CHD6: variants seen among roughly 807,000 people sequenced by gnomAD.
CHD6 encodes the protein ATP-dependent chromatin remodeler CHD6.
CHD6 carries 50 observed loss-of-function variants against 276.9 expected under a neutral mutation model. The ratio of observed to expected loss-of-function variants is 0.18; its 90% confidence interval spans 0.14 to 0.23. The LOEUF (loss-of-function observed/expected upper bound fraction) is 0.23, where lower values mean the gene tolerates loss of function less well. Among genes scored for constraint, CHD6 ranks in the 10% least tolerant of loss-of-function variants. The probability of loss-of-function intolerance (pLI) is 1.00; values close to 1 mark genes in which losing one functional copy is unlikely to be tolerated. For synonymous variants in CHD6, 1,173 were observed against 1,229.3 expected (o/e 0.95, Z 0.96); for missense variants, 2,564 against 3,365.8 (o/e 0.76, Z 5.89).
intron 17 of CHD6, among the ~76,000 whole-genome samples, chr20:41,467,271 T>C (rs2042941939): frequency 6.6e-6 from 1 of 151,980 alleles, no homozygotes; most frequent in South Asian, 2.1e-4. Flanking sequence ...CCATTCTTTA[T>C]TTTCCTAAGA....
chr20:41,411,174 G>A (rs563541842), intron 36 of CHD6, among the ~76,000 whole-genome samples: 8 of 151,578 alleles, frequency 5.3e-5, no homozygotes, highest in Non-Finnish European at 7.4e-5. Flanking sequence ...GATGAGCAAC[G>A]GCCACTGGTG....
At chr20:41,575,200 G>C (rs911895631) in intron 1 of CHD6, among the ~76,000 whole-genome samples, 2 of 152,182 alleles carry the variant, frequency 1.3e-5, no homozygotes, top group Non-Finnish European at 2.9e-5. Flanking sequence ...CCTATGCTCA[G>C]CCTGCTTCCA....
Position 41,403,525 on chromosome 20 carries a change from G to A in CHD6, c.*1068C>T, listed in dbSNP as rs145084031. 3.0e-3 allele frequency: 3,203 copies of A among 1,062,920 alleles called. 7 individuals carry two copies. Among genetic ancestry groups the A allele is most frequent in the Non-Finnish European group, 3.5e-3 (3,048 of 877,794 alleles). 65.8% of individuals were successfully genotyped at this position (1,062,920 alleles called of 1,614,324 possible). On this transcript the variant is annotated 3_prime_UTR_variant, in exon 37 of 37. Coordinates refer to ENST00000373233, the MANE Select transcript of CHD6 (RefSeq NM_032221.5). ...ATATAAACAGAATGGAGAAATTAAT[G>A]GAGAAGTAACTTTTCATAGCTGTAT...
At chr20:41,524,938 G>A (rs775012762) in intron 3 of CHD6, among the ~76,000 whole-genome samples, 6 of 152,202 alleles carry the variant, frequency 3.9e-5, no homozygotes, top group Non-Finnish European at 7.3e-5. Flanking sequence ...TCTGATGACA[G>A]TTGTTCTTTT....
At chr20:41,491,877 T>C in intron 10 of CHD6, 58 bp from the exon 11 acceptor site, 1 of 1,588,818 alleles carries the variant, frequency 6.3e-7, no homozygotes, top group Admixed American at 1.7e-5. Flanking sequence ...GAGCATAACA[T>C]GGATACTAAC....
At chr20:41,446,327 G>A (rs1366018280) in intron 24 of CHD6, among the ~76,000 whole-genome samples, 2 of 152,144 alleles carry the variant, frequency 1.3e-5, no homozygotes, top group African/African-American at 4.8e-5. Flanking sequence ...GCACCTCCTG[G>A]CAGTGGTCTA....
chr20:41,502,263 C>T (rs1377956893), intron 5 of CHD6, among the ~76,000 whole-genome samples: 1 of 151,998 alleles, frequency 6.6e-6, no homozygotes, highest in Admixed American at 6.6e-5. Flanking sequence ...AAAACAGGTG[C>T]AAGTAATTTT....
chr20:41,413,612 C>T (rs1569045991), intron 34 of CHD6, 97 bp from the exon 35 acceptor site: 1 of 1,038,230 alleles, frequency 9.6e-7, no homozygotes, highest in East Asian at 2.7e-5. Flanking sequence ...ATCACTCCAC[C>T]TATTTCCACC....
At chr20:41,497,747 C>A in intron 7 of CHD6, 1 of 525,676 alleles carries the variant, frequency 1.9e-6, no homozygotes, top group Non-Finnish European at 3.4e-6. Flanking sequence ...AGAACAGAGG[C>A]AGGGCAGCTG....
chr20:41,497,639 T>C (rs997736846), intron 7 of CHD6, 138 bp from the exon 8 acceptor site: 19 of 704,408 alleles, frequency 2.7e-5, no homozygotes, highest in Non-Finnish European at 4.6e-5. Flanking sequence ...AGATTGGGCT[T>C]AGAAAGACCT....
intron 15 of CHD6, 22 bp downstream of exon 15, chr20:41,484,330 C>T: frequency 1.2e-6 from 2 of 1,612,944 alleles, no homozygotes; most frequent in Non-Finnish European, 1.7e-6. Context: ...TCCTGAGTTA[C>T]TTCCTAGTGC....
At chr20:41,416,506 T>C in intron 33 of CHD6, 82 bp downstream of exon 33, 1 of 1,331,706 alleles carries the variant, frequency 7.5e-7, no homozygotes, top group Non-Finnish European at 1.0e-6. Context: ...AGTAAATACT[T>C]GCTGAATGAA....
At position 41,468,750 on chromosome 20, in the gene CHD6, C is replaced by G. The variant is rs1656050406; in HGVS notation, c.2664+4572G>C. Among the ~76,000 whole-genome samples, 4 of 152,136 alleles carry G rather than the reference C, an allele frequency of 2.6e-5. No individual in the cohort carries two copies. In the South Asian group the frequency reaches 6.2e-4, roughly 24 times the overall value. On this transcript the variant is annotated intron_variant, in intron 17 of 36. Transcript: ENST00000373233. ...GGGATGTAGGTGGGGCGTGGTGGCT[C>G]ATGCCTGTAATCTCAGCACTTCGGG... is the stretch of plus-strand genomic sequence containing the variant.
intron 23 of CHD6, 66 bp from the exon 24 acceptor site, chr20:41,448,037 C>A (rs544548646): frequency 4.7e-6 from 4 of 844,470 alleles, no homozygotes; most frequent in South Asian, 1.9e-5. Context: ...ACCACATCCC[C>A]AAGTTAACAC....
chr20:41,483,848 G>A (rs2072970), intron 15 of CHD6, among the ~76,000 whole-genome samples: 53,335 of 152,030 alleles, frequency 0.35, 9,730 homozygotes, highest in African/African-American at 0.45. Context: ...CACAAAGACT[G>A]TAAGATAATC....
chr20:41,590,496 A>T (rs963822263), intron 1 of CHD6, among the ~76,000 whole-genome samples: 1 of 152,180 alleles, frequency 6.6e-6, no homozygotes, highest in Non-Finnish European at 1.5e-5. Flanking sequence ...GAATCTACAA[A>T]GAACTCTAAC....
intron 31 of CHD6, among the ~76,000 whole-genome samples, chr20:41,418,967 C>G (rs1017537306): frequency 1.3e-5 from 2 of 152,196 alleles, no homozygotes; most frequent in African/African-American, 4.8e-5. Context: ...CTTATCTTTA[C>G]CTTGTACTCA....
In CHD6 at chr20:41,454,570, T is replaced by C. The variant is rs113312847; in HGVS notation, c.3120+56A>G. 1.6e-5 allele frequency: 21 copies of C among 1,327,078 alleles called. No homozygotes were observed. The African/African-American group carries it at 2.8e-4, about 17-fold the overall frequency. 82.2% of individuals were successfully genotyped at this position (1,327,078 alleles called of 1,614,324 possible). ...ATGACTTGAGCTGTGTAGGAATTTA[T>C]TGTCATGTATGACATAAGTGAATGT... On this transcript the variant is annotated intron_variant, in intron 20 of 36. Coordinates refer to ENST00000373233, the MANE Select transcript of CHD6 (RefSeq NM_032221.5).
At chr20:41,468,338 G>A (rs1028164980) in intron 17 of CHD6, among the ~76,000 whole-genome samples, 2 of 152,090 alleles carry the variant, frequency 1.3e-5, no homozygotes, top group Non-Finnish European at 2.9e-5. Context: ...TTGAACTCCT[G>A]ACCTCAGGTG....
Sources: allele counts gnomAD v4.1 joint callset (sites outside exome capture counted in the v4.1 genomes callset), GRCh38; gene constraint gnomAD v4.1.1; transcripts MANE v1.5; gene names NCBI Gene and HGNC (gene_info 2026-07-23, HGNC 2026-07-21).